ZNF16: variants seen among roughly 807,000 people sequenced by gnomAD.
The protein encoded by ZNF16 is zinc finger protein KOX9.
Under a neutral mutation model 9.0 loss-of-function variants are expected in ZNF16, and 7 were observed. That is an observed-to-expected ratio of 0.78 (90% confidence interval 0.44 to 1.47). The LOEUF is 1.47. Among genes scored for constraint, ZNF16 ranks in the 40% most tolerant of loss-of-function variants. The pLI is 0.01. For synonymous variants in ZNF16, 312 were observed against 301.5 expected, an observed-to-expected ratio of 1.03 and a Z score of -0.36; for missense variants, 830 against 854.2, an observed-to-expected ratio of 0.97 and a Z score of 0.35.
intron 2 of ZNF16, among the ~76,000 whole-genome samples, chr8:144,937,724 G>A (rs1833717045): frequency 6.6e-6 from 1 of 152,164 alleles, no homozygotes; most frequent in African/African-American, 2.4e-5. Context: ...TGCTATTCAA[G>A]CTGGAGTGCA....
chr8:144,945,873 C>T (rs2130050094), intron 2 of ZNF16, 138 bp downstream of exon 2: 1 of 1,447,248 alleles, frequency 6.9e-7, no homozygotes, highest in Non-Finnish European at 9.1e-7. Context: ...GACATCCAGC[C>T]TTGGCTCCTT....
chr8:144,937,214 T>C (rs971227455), intron 2 of ZNF16, among the ~76,000 whole-genome samples: 1 of 149,144 alleles, frequency 6.7e-6, no homozygotes, highest in Non-Finnish European at 1.5e-5. Context: ...TGGTGCGATC[T>C]TGGCTCACTG....
chr8:144,931,253 T>C lies in ZNF16; in HGVS notation c.1534A>G (p.Thr512Ala). 6.2e-7 allele frequency: 1 copy of C among 1,614,008 alleles called. No homozygotes were observed. Among genetic ancestry groups the C allele is most frequent in the Middle Eastern group, 1.7e-4 (1 of 6,060 alleles). ...TGGCAGGCGTAGGGCTTGTCGCCTGTGTGCACGCCCTGGTGCTGAATGAGG... is the reference window on the plus strand; with the variant it reads ...TGGCAGGCGTAGGGCTTGTCGCCTGCGTGCACGCCCTGGTGCTGAATGAGG... Reference protein sequence around the residue: ...SALIQHQGVHTGDKPYACHEC... With the variant: ...SALIQHQGVHAGDKPYACHEC... The change falls in exon 3 of 3, where the codon ACA becomes GCA. Residue 512 changes from threonine (T) to alanine (A), a missense_variant. Thr to Ala is a moderately conservative substitution (Grantham distance 58). Coordinates refer to ENST00000394909, the MANE Select transcript of ZNF16 (RefSeq NM_006958.3).
chr8:144,938,357 T>C (rs118142576), intron 2 of ZNF16, among the ~76,000 whole-genome samples: 25 of 152,368 alleles, frequency 1.6e-4, no homozygotes, highest in Non-Finnish European at 2.8e-4. Context: ...TCTAGGTAGT[T>C]TGGATGATTA....
At chr8:144,946,612 T>TG (rs1563925735) in intron 1 of ZNF16, among the ~76,000 whole-genome samples, 6 of 86,150 alleles carry the variant, frequency 7.0e-5, no homozygotes, top group African/African-American at 2.4e-4. Context: ...GCTGTTGGGC[T>TG]TGTGTCCTGC....
chr8:144,933,978 G>C lies in ZNF16; in HGVS notation c.197-1388C>G, dbSNP rs559608071. Among the ~76,000 whole-genome samples the C allele has an allele frequency of 6.6e-6, 1 of 152,322 alleles. No homozygotes were observed. Among genetic ancestry groups the C allele is most frequent in the African/African-American group, 2.4e-5 (1 of 41,574 alleles). On this transcript the variant is annotated intron_variant, in intron 2 of 2. Transcript: ENST00000394909. The surrounding 1 kb of genome is among the most constrained non-coding windows in gnomAD (Gnocchi z 5.6). ...GTCTAGCTGTAGTCGGTAGTGCTGAGTGGGTGTGAAGGATGCCCCTCCAAT... is the reference window on the plus strand; with the variant it reads ...GTCTAGCTGTAGTCGGTAGTGCTGACTGGGTGTGAAGGATGCCCCTCCAAT...
At chr8:144,935,197 C>T (rs1833653492) in intron 2 of ZNF16, among the ~76,000 whole-genome samples, 1 of 134,912 alleles carries the variant, frequency 7.4e-6, no homozygotes, top group African/African-American at 2.4e-5. Flanking sequence ...TTTTATTTTC[C>T]TTTAAGAAAA....
intron 2 of ZNF16, among the ~76,000 whole-genome samples, chr8:144,941,830 TTG>T (rs1833802650): frequency 1.3e-5 from 2 of 151,122 alleles, no homozygotes; most frequent in African/African-American, 4.9e-5. Flanking sequence ...GGCTAATTTT[TTG>T]TATTTTTAGT....
chr8:144,931,024 A>G lies in ZNF16; in HGVS notation c.1763T>C (p.Leu588Pro), dbSNP rs1280355186. The G allele has an allele frequency of 1.9e-6, 3 of 1,614,188 alleles. No individual in the cohort carries two copies. Among genetic ancestry groups the G allele is most frequent in the Non-Finnish European group, 1.7e-6 (2 of 1,180,032 alleles). ...CGKAFNRSSN[L>P]IHHQKVHTGE... ...AGTATGAACTTTCTGGTGGTGAATG[A>G]GATTTGAGCTTCGGTTGAAGGCTTT... The change falls in exon 3 of 3, where the codon CTC becomes CCC. Residue 588 changes from leucine (L) to proline (P), a missense_variant. Transcript: ENST00000394909.
In ZNF16 at chr8:144,932,157, T is replaced by C; in HGVS notation, c.630A>G (p.Ile210Met). The change falls in exon 3 of 3, where the codon ATA becomes ATG. Residue 210 changes from isoleucine (I) to methionine (M), a missense_variant. Transcript: ENST00000394909. The surrounding 1 kb of genome is among the most constrained non-coding windows in gnomAD (Gnocchi z 5.0). ...GGAAGGTTTTCCCACACTCATTACA[T>C]ATGAGTGGACTTTCAGCTGTGGGAA... The part of the protein sequence containing the change: ...EGVPTAESPL[I>M]CNECGKTFQG... 6.2e-7 allele frequency: 1 copy of C among 1,614,210 alleles called. No individual in the cohort carries two copies. Among genetic ancestry groups the C allele is most frequent in the Non-Finnish European group, 8.5e-7 (1 of 1,180,020 alleles).
intron 2 of ZNF16, among the ~76,000 whole-genome samples, chr8:144,935,442 G>A (rs1043396361): frequency 3.3e-5 from 5 of 152,108 alleles, no homozygotes; most frequent in African/African-American, 7.2e-5. Context: ...CTGACCTCAG[G>A]TGATCTACCC....
chr8:144,942,009 G>A (rs1450136286), intron 2 of ZNF16, among the ~76,000 whole-genome samples: 11 of 115,578 alleles, frequency 9.5e-5, no homozygotes, highest in East Asian at 5.0e-4. Context: ...AGGGAGTCTC[G>A]CTCTGTCTCC....
intron 2 of ZNF16, among the ~76,000 whole-genome samples, chr8:144,937,627 G>A (rs188874629): frequency 4.6e-5 from 7 of 152,178 alleles, no homozygotes; most frequent in African/African-American, 1.4e-4. Context: ...CTTATATTTA[G>A]CTTGTTGATC....
At position 144,933,952 on chromosome 8, in the gene ZNF16, G is replaced by A. The variant is rs1833616939; in HGVS notation, c.197-1362C>T. On this transcript the variant is annotated intron_variant, in intron 2 of 2. Coordinates refer to ENST00000394909, the MANE Select transcript of ZNF16 (RefSeq NM_006958.3). The surrounding 1 kb of genome is among the most constrained non-coding windows in gnomAD (Gnocchi z 5.6). Reference sequence around the variant, plus strand: ...GCATCCCCCAAAGTGGAAGACCTCTGGTCTAGCTGTAGTCGGTAGTGCTGA... The same window carrying A: ...GCATCCCCCAAAGTGGAAGACCTCTAGTCTAGCTGTAGTCGGTAGTGCTGA... 1.3e-5 allele frequency among the ~76,000 whole-genome samples: 2 copies of A among 152,204 alleles called. No individual in the cohort carries two copies. Among genetic ancestry groups the A allele is most frequent in the African/African-American group, 4.8e-5 (2 of 41,448 alleles).
At chr8:144,946,931 T>G (rs1264402834) in intron 1 of ZNF16, among the ~76,000 whole-genome samples, 4 of 100,860 alleles carry the variant, frequency 4.0e-5, no homozygotes, top group African/African-American at 1.1e-4. Context: ...GCCATACCCT[T>G]CTGTGGGCCT....
intron 2 of ZNF16, among the ~76,000 whole-genome samples, chr8:144,934,154 G>A (rs370608085): frequency 6.6e-5 from 10 of 152,182 alleles, no homozygotes; most frequent in Admixed American, 1.3e-4. Context: ...GATCCAAACC[G>A]GCCCAGCTCT....
At chr8:144,947,207 T>G (rs1354816829) in intron 1 of ZNF16, among the ~76,000 whole-genome samples, 13 of 131,228 alleles carry the variant, frequency 9.9e-5, no homozygotes, top group East Asian at 4.6e-4. Flanking sequence ...GTCCTGCTGT[T>G]GGGCTTGTGT....
chr8:144,943,974 T>A (rs898649014), intron 2 of ZNF16: 1 of 152,234 alleles, frequency 6.6e-6, no homozygotes, highest in Admixed American at 6.5e-5. Context: ...ACTTTCTATG[T>A]TTCTTTTACA....
intron 1 of ZNF16, among the ~76,000 whole-genome samples, chr8:144,946,534 G>A (rs961873723): frequency 1.2e-5 from 1 of 86,230 alleles, no homozygotes; most frequent in Non-Finnish European, 2.7e-5. Flanking sequence ...TCCTGCTGTG[G>A]GGCCTGTGTA....
Sources: gnomAD v4.1 joint callset for allele counts (sites outside exome capture counted in the v4.1 genomes callset) on GRCh38, gnomAD v4.1.1 for gene constraint, Gnocchi (gnomAD v3.1) non-coding constraint, MANE v1.5 for transcripts, NCBI Gene and HGNC (gene_info 2026-07-23, HGNC 2026-07-21) for gene names.